The following ADCY2 variants were observed in gnomAD, a reference collection of about 807,000 sequenced individuals.
ADCY2 encodes the protein adenylate cyclase type 2.
ADCY2 carries 31 observed loss-of-function variants against 125.2 expected under a neutral mutation model. That is an observed-to-expected ratio of 0.25 (90% CI 0.19 to 0.33). The LOEUF (loss-of-function observed/expected upper bound fraction) is 0.33, where lower values mean the gene tolerates loss of function less well. Among genes scored for constraint, ADCY2 ranks in the 10% least tolerant of loss-of-function variants. ADCY2 has a pLI of 1.00. For missense variants in ADCY2, 904 were observed against 1,418.2 expected (o/e 0.64, Z 5.82); for synonymous variants, 512 against 548.4 (o/e 0.93, Z 0.93).
chr5:7,494,176 C>T (rs1250873574), intron 2 of ADCY2, among the ~76,000 whole-genome samples: 2 of 152,092 alleles, frequency 1.3e-5, no homozygotes, highest in East Asian at 1.9e-4. Context: ...TTTTTCCATT[C>T]GGTCCACCCA....
chr5:7,731,760 C>G (rs1742109747), intron 14 of ADCY2, among the ~76,000 whole-genome samples: 2 of 152,012 alleles, frequency 1.3e-5, no homozygotes, highest in Admixed American at 1.3e-4. Context: ...CCTGCCACTG[C>G]ACCAGCTAAT....
chr5:7,601,589 A>G (rs1488720972), intron 3 of ADCY2, among the ~76,000 whole-genome samples: 1 of 152,226 alleles, frequency 6.6e-6, no homozygotes, highest in East Asian at 1.9e-4. Flanking sequence ...AACTTCTTAA[A>G]CAATATGGCC....
chr5:7,553,600 T>C (rs1227844808), intron 3 of ADCY2, among the ~76,000 whole-genome samples: 1 of 152,166 alleles, frequency 6.6e-6, no homozygotes, highest in African/African-American at 2.4e-5. Flanking sequence ...GCCTGGGTAA[T>C]GATTTTGAGA....
intron 4 of ADCY2, among the ~76,000 whole-genome samples, chr5:7,665,693 A>C (rs1739689044): frequency 1.3e-5 from 2 of 151,986 alleles, no homozygotes; most frequent in African/African-American, 4.8e-5. Context: ...CTGGAGAGAC[A>C]CTGGCTCGTT....
At chr5:7,461,300 T>G (rs905982624) in intron 2 of ADCY2, among the ~76,000 whole-genome samples, 5 of 152,200 alleles carry the variant, frequency 3.3e-5, no homozygotes, top group South Asian at 2.1e-4. Flanking sequence ...GAAATGAGCT[T>G]CTTTTTCTTT....
At chr5:7,824,299 A>G (rs1311239342) in intron 24 of ADCY2, among the ~76,000 whole-genome samples, 1 of 152,210 alleles carries the variant, frequency 6.6e-6, no homozygotes, top group Non-Finnish European at 1.5e-5. Flanking sequence ...GCCTGGAGGC[A>G]TAGTAACCGG....
At chr5:7,511,939 G>A (rs1011898114) in intron 2 of ADCY2, among the ~76,000 whole-genome samples, 42 of 151,810 alleles carry the variant, frequency 2.8e-4, no homozygotes, top group African/African-American at 9.4e-4. Flanking sequence ...TCATTGGAGG[G>A]GCCAGACGCT....
chr5:7,498,239 G>GTTT lies in ADCY2; in HGVS notation c.409-22474_409-22472dup, dbSNP rs910360437. 3.2e-4 allele frequency among the ~76,000 whole-genome samples: 20 copies of GTTT among 62,110 alleles called. 1 individual carries two copies. The highest frequency in any genetic ancestry group is 6.4e-4 in the South Asian group (1 of 1,556). 40.7% of individuals were successfully genotyped at this position (62,110 alleles called of 152,430 possible). On this transcript the variant is annotated intron_variant, in intron 2 of 24. Coordinates refer to ENST00000338316, the MANE Select transcript of ADCY2 (RefSeq NM_020546.3). ...TAAGTAAAACTCTTTTTCTTTTTTC[G>GTTT]TTTTTTTTTTTTTTTTTTTTTTTTT...
chr5:7,714,208 C>G (rs1449960904), intron 11 of ADCY2, among the ~76,000 whole-genome samples: 1 of 152,162 alleles, frequency 6.6e-6, no homozygotes, highest in Admixed American at 6.5e-5. Flanking sequence ...AGCACGGTGC[C>G]TCTGGCCAAT....
intron 3 of ADCY2, among the ~76,000 whole-genome samples, chr5:7,614,556 G>A (rs761076200): frequency 2.6e-5 from 4 of 152,184 alleles, no homozygotes; most frequent in African/African-American, 4.8e-5. Context: ...TTTGCACAAG[G>A]TTGAGGTATT....
At chr5:7,677,300 CAAAA>C (rs1168713314) in intron 4 of ADCY2, among the ~76,000 whole-genome samples, 1 of 151,104 alleles carries the variant, frequency 6.6e-6, no homozygotes, top group Admixed American at 6.6e-5. Context: ...AACAAACAAA[CAAAA>C]AAAAAGAAAT....
intron 13 of ADCY2, 61 bp from the exon 14 acceptor site, chr5:7,727,103 A>G (rs2126400724): frequency 7.7e-7 from 1 of 1,301,478 alleles, no homozygotes; most frequent in African/African-American, 1.5e-5. Context: ...AGGCTGCTGG[A>G]CACTGTGTGC....
At chr5:7,822,479 CAG>C (rs2126542691) in intron 24 of ADCY2, among the ~76,000 whole-genome samples, 1 of 152,374 alleles carries the variant, frequency 6.6e-6, no homozygotes, top group Admixed American at 6.5e-5. Context: ...TCTAGCAACA[CAG>C]AATGTGTTTC....
intron 1 of ADCY2, among the ~76,000 whole-genome samples, chr5:7,413,011 A>G (rs948626829): frequency 1.3e-5 from 2 of 152,234 alleles, no homozygotes; most frequent in Non-Finnish European, 2.9e-5. Context: ...TTTAACACAC[A>G]TAATTGTGGG....
Position 7,520,730 on chromosome 5 carries a change from G to T in ADCY2, c.409-8G>T. On this transcript the variant is annotated splice_region_variant and splice_polypyrimidine_tract_variant and intron_variant, in intron 2 of 24. Transcript: ENST00000338316. ...GTGACTCTTATTGTTCTTCTTCTCT[G>T]CCCGTAGGTATCGTTCTTCCTCTTC... is the stretch of plus-strand genomic sequence containing the variant. The T allele has an allele frequency of 1.2e-6, 2 of 1,613,974 alleles. No homozygotes were observed. The highest frequency in any genetic ancestry group is 1.7e-6 in the Non-Finnish European group (2 of 1,179,956).
intron 14 of ADCY2, among the ~76,000 whole-genome samples, chr5:7,732,372 G>C (rs1445183049): frequency 6.6e-6 from 1 of 152,188 alleles, no homozygotes; most frequent in Non-Finnish European, 1.5e-5. Context: ...TTATTCAAGA[G>C]TTCAGTTCTA....
At chr5:7,796,966 C>G (rs1579447064) in intron 20 of ADCY2, 1 of 152,202 alleles carries the variant, frequency 6.6e-6, no homozygotes, top group Non-Finnish European at 1.5e-5. Context: ...AATGCCTGAT[C>G]AAAACAAGCC....
intron 24 of ADCY2, among the ~76,000 whole-genome samples, chr5:7,823,899 C>G (rs1745382044): frequency 6.6e-6 from 1 of 152,118 alleles, no homozygotes. Context: ...CGACTCAGGG[C>G]AGGTCGGCCA....
chr5:7,689,177 C>T (rs750614754), intron 4 of ADCY2, among the ~76,000 whole-genome samples: 2 of 152,122 alleles, frequency 1.3e-5, no homozygotes, highest in Non-Finnish European at 1.5e-5. Context: ...GGTATCATAT[C>T]ATTCATAACC....
Sources: gnomAD v4.1 joint callset for allele counts (sites outside exome capture counted in the v4.1 genomes callset) on GRCh38, gnomAD v4.1.1 for gene constraint, MANE v1.5 for transcripts, NCBI Gene and HGNC (gene_info 2026-07-23, HGNC 2026-07-21) for gene names.